Variants in ERBB4 observed in about 807,000 individuals in gnomAD.
ERBB4 encodes the protein erb-b2 receptor tyrosine kinase 4.
A neutral mutation model predicts 158.0 loss-of-function variants in ERBB4; 42 were observed. The ratio of observed to expected loss-of-function variants is 0.27; its 90% CI spans 0.21 to 0.34. ERBB4 has a LOEUF of 0.34. Ranked by LOEUF, ERBB4 falls within the 10% of genes least tolerant of loss-of-function variation. ERBB4 has a pLI of 1.00. For synonymous variants in ERBB4, 583 were observed against 558.7 expected, an observed-to-expected ratio of 1.04 and a Z score of -0.61; for missense variants, 1,333 against 1,624.1, an observed-to-expected ratio of 0.82 and a Z score of 3.08.
intron 1 of ERBB4, among the ~76,000 whole-genome samples, chr2:212,155,718 A>C (rs1415913215): frequency 6.6e-6 from 1 of 152,108 alleles, no homozygotes; most frequent in Non-Finnish European, 1.5e-5. Context: ...ATCAGTTATG[A>C]ATGTAGCTGA....
chr2:211,625,072 G>GA (rs577753447), intron 17 of ERBB4, among the ~76,000 whole-genome samples: 43 of 144,484 alleles, frequency 3.0e-4, no homozygotes, highest in South Asian at 4.3e-4. Context: ...GCATATGTGA[G>GA]AAAAAAAAAA....
intron 1 of ERBB4, among the ~76,000 whole-genome samples, chr2:212,503,317 C>G (rs553343356): frequency 4.6e-5 from 7 of 152,070 alleles, no homozygotes; most frequent in Non-Finnish European, 7.4e-5. Flanking sequence ...TAATTAAAAT[C>G]TCTCAGTTAA....
intron 17 of ERBB4, among the ~76,000 whole-genome samples, chr2:211,625,080 A>T (rs2069790085): frequency 6.6e-6 from 1 of 152,140 alleles, no homozygotes; most frequent in African/African-American, 2.4e-5. Context: ...GAGAAAAAAA[A>T]AAAGTATGTC....
intron 2 of ERBB4, among the ~76,000 whole-genome samples, chr2:212,003,306 T>C (rs1230492535): frequency 7.2e-6 from 1 of 138,818 alleles, no homozygotes; most frequent in African/African-American, 2.5e-5. Flanking sequence ...AAAATCTTAA[T>C]TGACCAGCTG....
At chr2:212,227,681 G>C (rs1428211479) in intron 1 of ERBB4, among the ~76,000 whole-genome samples, 1 of 152,108 alleles carries the variant, frequency 6.6e-6, no homozygotes, top group East Asian at 1.9e-4. Context: ...AAGTAATCAA[G>C]TCTTTGAATG....
At chr2:212,170,176 A>T (rs866890615) in intron 1 of ERBB4, among the ~76,000 whole-genome samples, 1 of 152,160 alleles carries the variant, frequency 6.6e-6, no homozygotes, top group South Asian at 2.1e-4. Flanking sequence ...GCTGACAATG[A>T]TATGAACAAT....
chr2:212,154,432 T>C (rs1462230248), intron 1 of ERBB4, among the ~76,000 whole-genome samples: 1 of 152,158 alleles, frequency 6.6e-6, no homozygotes, highest in Non-Finnish European at 1.5e-5. Flanking sequence ...TTTATTTTGA[T>C]AAAAACATAT....
chr2:212,336,881 A>G (rs2088468258), intron 1 of ERBB4, among the ~76,000 whole-genome samples: 3 of 152,028 alleles, frequency 2.0e-5, no homozygotes. Flanking sequence ...GAAGGTTCTA[A>G]TAAAATATAG....
chr2:212,165,753 C>T (rs2081328493), intron 1 of ERBB4, among the ~76,000 whole-genome samples: 1 of 151,994 alleles, frequency 6.6e-6, no homozygotes, highest in African/African-American at 2.4e-5. Flanking sequence ...CCCTGGACTG[C>T]ACACCTTTTA....
In ERBB4 at chr2:212,305,732, T is replaced by A. The variant is rs2086787233; in HGVS notation, c.83-180829A>T. Among the ~76,000 whole-genome samples, 3 of 151,346 alleles carry A rather than the reference T, an allele frequency of 2.0e-5. No individual in the cohort carries two copies. In the South Asian group the frequency reaches 6.2e-4, roughly 31 times the overall value. On this transcript the variant is annotated intron_variant, in intron 1 of 27. Transcript: ENST00000342788. ...TGGCAACACTTGATAAAAATACATT[T>A]TAAAAGTAAATACAAATAAAACAGA...
At chr2:211,988,607 T>C (rs955559598) in intron 2 of ERBB4, among the ~76,000 whole-genome samples, 1 of 152,048 alleles carries the variant, frequency 6.6e-6, no homozygotes. Context: ...TTCTTTACAA[T>C]TGAAGATGGG....
chr2:212,258,433 C>T (rs531565753), intron 1 of ERBB4, among the ~76,000 whole-genome samples: 6 of 151,540 alleles, frequency 4.0e-5, no homozygotes, highest in Admixed American at 6.6e-5. Flanking sequence ...GTTAGAACTG[C>T]GCATCAAATG....
intron 9 of ERBB4, among the ~76,000 whole-genome samples, chr2:211,710,109 A>G (rs1017778243): frequency 4.6e-5 from 7 of 152,140 alleles, no homozygotes; most frequent in African/African-American, 1.7e-4. Flanking sequence ...AGGTTACATT[A>G]TCTATAAATT....
chr2:212,148,534 G>A (rs1488933873), intron 1 of ERBB4, among the ~76,000 whole-genome samples: 1 of 152,170 alleles, frequency 6.6e-6, no homozygotes, highest in African/African-American at 2.4e-5. Flanking sequence ...GGATGAAAGA[G>A]ATGGGAGAAA....
chr2:212,452,487 A>G (rs1040401259), intron 1 of ERBB4, among the ~76,000 whole-genome samples: 1 of 152,198 alleles, frequency 6.6e-6, no homozygotes, highest in Admixed American at 6.5e-5. Context: ...TGGCCAATAT[A>G]TAAGTCAGTG....
At chr2:212,019,722 C>T (rs892725497) in intron 2 of ERBB4, among the ~76,000 whole-genome samples, 1 of 126,564 alleles carries the variant, frequency 7.9e-6, no homozygotes, top group African/African-American at 3.0e-5. Flanking sequence ...AAGATTGTGC[C>T]ACTGCATCCA....
chr2:212,537,621 C>T (rs996808007), intron 1 of ERBB4, among the ~76,000 whole-genome samples: 1 of 152,070 alleles, frequency 6.6e-6, no homozygotes, highest in South Asian at 2.1e-4. Context: ...GCAGCCTGGC[C>T]GGGCAGTAAA....
intron 1 of ERBB4, among the ~76,000 whole-genome samples, chr2:212,182,726 T>C (rs1368765388): frequency 6.6e-6 from 1 of 151,918 alleles, no homozygotes; most frequent in Admixed American, 6.6e-5. Context: ...TTCACAGCTT[T>C]GAAATCAGCA....
At chr2:212,103,438 A>G (rs1352326994) in intron 2 of ERBB4, among the ~76,000 whole-genome samples, 3 of 152,108 alleles carry the variant, frequency 2.0e-5, no homozygotes, top group Admixed American at 6.6e-5. Context: ...TATAACCAAA[A>G]TATTATTTTT....
Sources: gnomAD v4.1 joint callset for allele counts (sites outside exome capture counted in the v4.1 genomes callset) on GRCh38, gnomAD v4.1.1 for gene constraint, MANE v1.5 for transcripts, NCBI Gene and HGNC (gene_info 2026-07-23, HGNC 2026-07-21) for gene names.